Variants in SGCZ observed in about 807,000 individuals in gnomAD.
SGCZ encodes the protein sarcoglycan zeta, also known as zeta-sarcoglycan.
Under a neutral mutation model 41.3 loss-of-function variants are expected in SGCZ, and 40 were observed. The ratio of observed to expected loss-of-function variants is 0.97; its 90% CI spans 0.75 to 1.26. SGCZ has a LOEUF of 1.26. Among genes scored for constraint, SGCZ ranks in the 50% most tolerant of loss-of-function variants. SGCZ has a pLI of 0.00. For missense variants in SGCZ, 552 were observed against 369.8 expected (o/e 1.49, Z -4.04); for synonymous variants, 206 against 137.5 (o/e 1.50, Z -3.49).
At chr8:14,254,786 T>A (rs1035269373) in intron 3 of SGCZ, among the ~76,000 whole-genome samples, 3 of 152,146 alleles carry the variant, frequency 2.0e-5, no homozygotes, top group African/African-American at 7.2e-5. Flanking sequence ...ATGTGTGAGA[T>A]TCATTATTCT....
chr8:15,057,397 A>G (rs183378297), intron 1 of SGCZ, among the ~76,000 whole-genome samples: 243 of 152,310 alleles, frequency 1.6e-3, no homozygotes, highest in African/African-American at 5.4e-3. Flanking sequence ...CAGTCTTTCT[A>G]TGAAGAAAAG....
intron 1 of SGCZ, among the ~76,000 whole-genome samples, chr8:14,977,828 A>C (rs1307946928): frequency 3.9e-5 from 6 of 152,116 alleles, no homozygotes; most frequent in African/African-American, 1.2e-4. Flanking sequence ...TTTTCTAAAA[A>C]TATTCATCAT....
At chr8:14,632,977 A>T (rs28375265) in intron 1 of SGCZ, among the ~76,000 whole-genome samples, 51,049 of 151,386 alleles carry the variant, frequency 0.34, 8,921 homozygotes, top group East Asian at 0.63. Context: ...TAAGTGAATT[A>T]TATATATATA....
intron 1 of SGCZ, among the ~76,000 whole-genome samples, chr8:15,181,246 C>G (rs1253841451): frequency 6.6e-6 from 1 of 152,168 alleles, no homozygotes; most frequent in East Asian, 1.9e-4. Context: ...GTTTTTTATA[C>G]AAATTAGAAT....
At chr8:15,114,627 G>A (rs552114533) in intron 1 of SGCZ, among the ~76,000 whole-genome samples, 15 of 152,184 alleles carry the variant, frequency 9.9e-5, no homozygotes, top group South Asian at 2.1e-4. Flanking sequence ...CAAACTAATC[G>A]GAACTGGCTC....
At chr8:15,151,604 C>T (rs1324562610) in intron 1 of SGCZ, among the ~76,000 whole-genome samples, 1 of 152,058 alleles carries the variant, frequency 6.6e-6, no homozygotes, top group Non-Finnish European at 1.5e-5. Flanking sequence ...ACAAAGAATG[C>T]ATTATTTTTA....
At chr8:15,120,957 C>T (rs111490514) in intron 1 of SGCZ, among the ~76,000 whole-genome samples, 88 of 152,256 alleles carry the variant, frequency 5.8e-4, no homozygotes, top group African/African-American at 1.9e-3. Context: ...AAAGCATCAA[C>T]GCCATGACAG....
chr8:14,512,362 C>G (rs1364372290), intron 2 of SGCZ, among the ~76,000 whole-genome samples: 3 of 152,138 alleles, frequency 2.0e-5, no homozygotes, highest in Admixed American at 2.0e-4. Context: ...TCTTCCTTGC[C>G]TATCAGTATG....
At position 14,223,628 on chromosome 8, in the gene SGCZ, G is replaced by C. The variant is rs530922013; in HGVS notation, c.424+13964C>G. 2.6e-5 allele frequency among the ~76,000 whole-genome samples: 4 copies of C among 152,184 alleles called. No homozygotes were observed. In the South Asian group the frequency reaches 6.2e-4, roughly 24 times the overall value. Reference sequence around the variant, plus strand: ...AATGTCCTGTCAGTTATTTGTTAAAGGGACAGATGCTATAGGTAATTTAAT... The same window carrying C: ...AATGTCCTGTCAGTTATTTGTTAAACGGACAGATGCTATAGGTAATTTAAT... On this transcript the variant is annotated intron_variant, in intron 4 of 7. Coordinates refer to ENST00000382080, the MANE Select transcript of SGCZ (RefSeq NM_139167.4).
chr8:14,925,164 T>C (rs566117040), intron 1 of SGCZ, among the ~76,000 whole-genome samples: 5 of 152,284 alleles, frequency 3.3e-5, no homozygotes, highest in Non-Finnish European at 7.4e-5. Context: ...AGCCAAGACA[T>C]TTTCTTTACT....
intron 2 of SGCZ, among the ~76,000 whole-genome samples, chr8:14,485,344 C>G (rs527612229): frequency 6.6e-6 from 1 of 152,192 alleles, no homozygotes; most frequent in South Asian, 2.1e-4. Flanking sequence ...TCAAGCGATT[C>G]TCCCGCCTCA....
intron 3 of SGCZ, among the ~76,000 whole-genome samples, chr8:14,259,179 T>G (rs570308819): frequency 1.3e-5 from 2 of 152,318 alleles, no homozygotes; most frequent in South Asian, 4.1e-4. Context: ...GTTTTCCATT[T>G]ATGCCATAGA....
chr8:15,031,421 G>T (rs1054176590), intron 1 of SGCZ, among the ~76,000 whole-genome samples: 2 of 152,040 alleles, frequency 1.3e-5, no homozygotes, highest in African/African-American at 4.8e-5. Context: ...TTTTTGTTTT[G>T]CATTAGGCTA....
At chr8:15,233,316 TG>T in intron 1 of SGCZ, among the ~76,000 whole-genome samples, 1 of 145,922 alleles carries the variant, frequency 6.9e-6, no homozygotes. Context: ...AGTGTCTTAT[TG>T]ATTAAACAAA....
intron 2 of SGCZ, among the ~76,000 whole-genome samples, chr8:14,328,686 T>A (rs953567189): frequency 6.6e-6 from 1 of 152,202 alleles, no homozygotes; most frequent in Non-Finnish European, 1.5e-5. Flanking sequence ...CATATCATTA[T>A]AGTTATGATA....
chr8:14,743,019 C>T (rs1253583268), intron 1 of SGCZ, among the ~76,000 whole-genome samples: 4 of 152,068 alleles, frequency 2.6e-5, no homozygotes, highest in Admixed American at 2.0e-4. Context: ...TGCTGATCAC[C>T]ACTTCACTAA....
intron 1 of SGCZ, among the ~76,000 whole-genome samples, chr8:14,684,580 C>T (rs1170073463): frequency 6.6e-6 from 1 of 152,042 alleles, no homozygotes; most frequent in Non-Finnish European, 1.5e-5. Context: ...ATTAAAAATA[C>T]CTATAAAACA....
At chr8:14,320,751 C>T (rs1397782780) in intron 3 of SGCZ, among the ~76,000 whole-genome samples, 1 of 152,012 alleles carries the variant, frequency 6.6e-6, no homozygotes, top group East Asian at 1.9e-4. Flanking sequence ...TCCTCTGTCA[C>T]CACTTCCAGT....
At chr8:14,477,309 C>A (rs1037791819) in intron 2 of SGCZ, among the ~76,000 whole-genome samples, 2 of 152,108 alleles carry the variant, frequency 1.3e-5, no homozygotes, top group Non-Finnish European at 2.9e-5. Context: ...CCCTTTAAAA[C>A]CAACTTTGAG....
Sources: allele counts gnomAD v4.1 joint callset (sites outside exome capture counted in the v4.1 genomes callset), GRCh38; gene constraint gnomAD v4.1.1; transcripts MANE v1.5; gene names NCBI Gene and HGNC (gene_info 2026-07-23, HGNC 2026-07-21).